Variants in HPR observed in about 807,000 individuals in gnomAD.
HPR encodes haptoglobin-related protein.
HPR carries 17 observed loss-of-function variants against 18.5 expected under a neutral mutation model. The observed-to-expected ratio is 0.92, with a 90% CI of 0.63 to 1.38. HPR has a LOEUF of 1.38. HPR is among the 40% of genes most tolerant of loss of function. The pLI is 0.00. For synonymous variants in HPR, 176 were observed against 165.0 expected (o/e 1.07, Z -0.51); for missense variants, 457 against 432.4 (o/e 1.06, Z -0.51).
intron 3 of HPR, chr16:72,074,875 C>G: frequency 1.5e-6 from 1 of 662,166 alleles, no homozygotes. Context: ...GAGGCAGAGT[C>G]AGGATTTGAA....
chr16:72,064,462 C>T (rs138862995), intron 1 of HPR, among the ~76,000 whole-genome samples: 167 of 152,214 alleles, frequency 1.1e-3, no homozygotes, highest in African/African-American at 2.6e-3. Flanking sequence ...TTACCTCTCC[C>T]GTCGCAATAG....
chr16:72,071,176 C>G (rs1047775598), intron 1 of HPR, among the ~76,000 whole-genome samples: 1 of 152,168 alleles, frequency 6.6e-6, no homozygotes, highest in African/African-American at 2.4e-5. Flanking sequence ...CCAAGTATAG[C>G]GAGCTCAGCG....
chr16:72,074,614 C>T, intron 3 of HPR: 1 of 716,434 alleles, frequency 1.4e-6, no homozygotes, highest in Non-Finnish European at 2.6e-6. Flanking sequence ...GCCATGCAGC[C>T]TACCTCATGT....
Position 72,076,899 on chromosome 16 carries a change from C to A in HPR, c.865C>A (p.Gln289Lys), listed in dbSNP as rs768056752. Residue 289 changes from glutamine to lysine, a missense_variant, in exon 5 of 5, where the codon CAG (glutamine) becomes AAG (lysine). Coordinates refer to ENST00000540303, the MANE Select transcript of HPR (RefSeq NM_020995.4). Reference sequence around the variant, plus strand: ...CTTCTGTGTCGGCATGTCTAAGTACCAGGAAGACACCTGCTATGGCGATGC... The same window carrying A: ...CTTCTGTGTCGGCATGTCTAAGTACAAGGAAGACACCTGCTATGGCGATGC... The part of the protein sequence containing the change: ...HTFCVGMSKY[Q>K]EDTCYGDAGS... 1 of 1,614,108 alleles carries A rather than the reference C, an allele frequency of 6.2e-7. No individual in the cohort carries two copies. The highest frequency in any genetic ancestry group is 1.3e-5 in the African/African-American group (1 of 74,940).
intron 1 of HPR, among the ~76,000 whole-genome samples, chr16:72,070,720 C>A (rs1212122074): frequency 2.0e-5 from 3 of 152,138 alleles, no homozygotes; most frequent in Non-Finnish European, 4.4e-5. Context: ...GTTCAGTCAT[C>A]CTGTGTGGAG....
chr16:72,064,130 T>C (rs2041572932), intron 1 of HPR, among the ~76,000 whole-genome samples: 1 of 152,184 alleles, frequency 6.6e-6, no homozygotes, highest in Non-Finnish European at 1.5e-5. Context: ...TGTGTGTCAA[T>C]GCCCATGGCC....
chr16:72,072,836 T>C (rs1040826308), intron 1 of HPR, among the ~76,000 whole-genome samples: 1 of 152,120 alleles, frequency 6.6e-6, no homozygotes, highest in Non-Finnish European at 1.5e-5. Flanking sequence ...AAAGAAAAAA[T>C]ACTGTAAAAT....
chr16:72,075,673 C>T (rs1344282116), intron 4 of HPR, among the ~76,000 whole-genome samples: 1 of 152,328 alleles, frequency 6.6e-6, no homozygotes, highest in East Asian at 1.9e-4. Context: ...GAGGCAAAGG[C>T]CCAGCCTCTT....
chr16:72,067,626 C>G (rs34042070), intron 1 of HPR, among the ~76,000 whole-genome samples: 26,668 of 151,300 alleles, frequency 0.18, 2,879 homozygotes, highest in South Asian at 0.4. Context: ...CAATCCACAT[C>G]AAGCTAAACA....
At chr16:72,066,545 T>C (rs1480344134) in intron 1 of HPR, among the ~76,000 whole-genome samples, 6 of 152,154 alleles carry the variant, frequency 3.9e-5, no homozygotes, top group African/African-American at 1.2e-4. Context: ...AGTGAATCCA[T>C]ACCCAGAACT....
Position 72,076,461 on chromosome 16 carries a change from G to C in HPR, c.427G>C (p.Ala143Pro), listed in dbSNP as rs2041725355. The change falls in exon 5 of 5, where the codon GCT becomes CCT. Residue 143 changes from alanine to proline, a missense_variant. Physicochemically the swap from Ala to Pro is conservative, Grantham distance 27 (BLOSUM62 -1). Coordinates refer to ENST00000540303, the MANE Select transcript of HPR (RefSeq NM_020995.4). ...CAATGAACAATGGCTGCTGACCACG[G>C]CTAAAAATCTCTTCCTGAACCATTC... is the stretch of plus-strand genomic sequence containing the variant. ...LINEQWLLTT[A>P]KNLFLNHSEN... is the part of the protein sequence containing the mutation. 2 of 1,614,026 alleles carry C rather than the reference G, an allele frequency of 1.2e-6. No homozygotes were observed. Among genetic ancestry groups the C allele is most frequent in the South Asian group, 2.2e-5 (2 of 91,078 alleles).
intron 1 of HPR, among the ~76,000 whole-genome samples, chr16:72,069,235 C>G (rs2041630157): frequency 1.3e-5 from 2 of 152,112 alleles, no homozygotes; most frequent in Admixed American, 6.5e-5. Flanking sequence ...TGTGGCCTCA[C>G]TAATAGTAAA....
At chr16:72,066,245 G>C (rs570958579) in intron 1 of HPR, among the ~76,000 whole-genome samples, 3 of 152,254 alleles carry the variant, frequency 2.0e-5, no homozygotes, top group East Asian at 3.9e-4. Flanking sequence ...TTAAGCCACT[G>C]CTAGATGACC....
intron 1 of HPR, among the ~76,000 whole-genome samples, chr16:72,070,653 A>G (rs912166186): frequency 1.3e-5 from 2 of 152,202 alleles, no homozygotes; most frequent in Non-Finnish European, 1.5e-5. Context: ...ACAGAAGGTC[A>G]TCTTGTCATC....
In HPR at chr16:72,068,353, C is replaced by T. The variant is rs181518483; in HGVS notation, c.5+5093C>T. Among the ~76,000 whole-genome samples the T allele has an allele frequency of 4.3e-3, 652 of 152,204 alleles. 2 individuals are homozygous for T. Among genetic ancestry groups the T allele is most frequent in the South Asian group, 7.3e-3 (35 of 4,814 alleles). ...GAAGGAATCGTGTCCTTACCCTTGC[C>T]TCAGACTAAACAGGAACTCAGGAAA... On this transcript the variant is annotated intron_variant, in intron 1 of 4. Coordinates refer to ENST00000540303, the MANE Select transcript of HPR (RefSeq NM_020995.4).
rs1202018252 is a variant in HPR, at chr16:72,076,660, T to G, written c.626T>G (p.Leu209Arg). ...AATGAGAGAGTGATGCCCATCTGCCTACCTTCAAAGAATTATGCAGAAGTA... is the reference window on the plus strand; with the variant it reads ...AATGAGAGAGTGATGCCCATCTGCCGACCTTCAAAGAATTATGCAGAAGTA... The part of the protein sequence containing the change: ...LVNERVMPIC[L>R]PSKNYAEVGR... The change falls in exon 5 of 5, where the codon CTA becomes CGA. Residue 209 changes from leucine to arginine, a missense_variant. By Grantham distance (102) the Leu-to-Arg change is moderately radical. Transcript: ENST00000540303. 1 of 1,614,188 alleles carries G rather than the reference T, an allele frequency of 6.2e-7. No individual in the cohort carries two copies. Among genetic ancestry groups the G allele is most frequent in the Admixed American group, 1.7e-5 (1 of 60,010 alleles).
chr16:72,064,232 A>C (rs1202122590), intron 1 of HPR, among the ~76,000 whole-genome samples: 1 of 152,188 alleles, frequency 6.6e-6, no homozygotes, highest in African/African-American at 2.4e-5. Context: ...AATTATCACA[A>C]AATACTAGAA....
Position 72,077,168 on chromosome 16 carries a change from C to A in HPR, c.*87C>A, listed in dbSNP as rs537086246. 5.3e-5 allele frequency: 73 copies of A among 1,378,740 alleles called. 1 individual carries two copies. In the South Asian group the frequency reaches 5.3e-4, roughly 10 times the overall value. 85.4% of individuals were successfully genotyped at this position (1,378,740 alleles called of 1,614,324 possible). On this transcript the variant is annotated 3_prime_UTR_variant, in exon 5 of 5. Coordinates refer to ENST00000540303, the MANE Select transcript of HPR (RefSeq NM_020995.4). Reference sequence around the variant, plus strand: ...GGACGGGAGTGGACAGGAGTGGATGCGATAAGATGTGGTTTGAAGCTGATG... The same window carrying A: ...GGACGGGAGTGGACAGGAGTGGATGAGATAAGATGTGGTTTGAAGCTGATG...
At chr16:72,074,171 A>T in intron 2 of HPR, 113 bp from the exon 3 acceptor site, 1 of 1,266,120 alleles carries the variant, frequency 7.9e-7, no homozygotes, top group Non-Finnish European at 1.2e-6. Flanking sequence ...GTTGGCTTCT[A>T]TTTGGGGTAG....
Sources: allele counts gnomAD v4.1 joint callset (sites outside exome capture counted in the v4.1 genomes callset), GRCh38; gene constraint gnomAD v4.1.1; transcripts MANE v1.5; gene names NCBI Gene and HGNC (gene_info 2026-07-23, HGNC 2026-07-21).